The following CDK19 variants were observed in gnomAD, a reference collection of about 807,000 sequenced individuals.
The protein encoded by CDK19 is cyclin-dependent kinase 19.
CDK19 carries 20 observed loss-of-function variants against 68.3 expected under a neutral mutation model. That is an observed-to-expected ratio of 0.29 (90% CI 0.21 to 0.43). The LOEUF (loss-of-function observed/expected upper bound fraction) is 0.43. CDK19 is among the 20% of genes least tolerant of loss of function. The probability of loss-of-function intolerance (pLI) is 1.00; values close to 1 mark genes in which losing one functional copy is unlikely to be tolerated. For synonymous variants in CDK19, 221 were observed against 222.8 expected (o/e 0.99, Z 0.07); for missense variants, 339 against 623.5 (o/e 0.54, Z 4.86).
chr6:110,638,625 ATTATTT>A lies in CDK19; in HGVS notation c.514+18_514+23del, dbSNP rs1562146099. The A allele has an allele frequency of 5.7e-6, 7 of 1,224,452 alleles. No homozygotes were observed. The South Asian group carries it at 8.8e-5, about 15-fold the overall frequency. The allele number at this position is 1,224,452 out of a possible 1,614,324, so 75.8% of individuals were successfully genotyped here. A position where few individuals can be genotyped will look rare whatever the true frequency, so the allele number is the denominator to read the frequency against. The stretch of plus-strand genomic sequence containing the variant: ...GCAGTTAACTTCAGTTTTTAAATAA[ATTATTT>A]TAGGAATAATTACCTACCTATTTTG... On this transcript the variant is annotated intron_variant, in intron 5 of 12. Transcript: ENST00000368911.
At chr6:110,645,048 T>C (rs1780461517) in intron 4 of CDK19, among the ~76,000 whole-genome samples, 1 of 152,142 alleles carries the variant, frequency 6.6e-6, no homozygotes, top group South Asian at 2.1e-4. Context: ...TATTCATATG[T>C]CAAACAGACA....
chr6:110,736,237 A>T lies in CDK19; in HGVS notation c.204+9889T>A, dbSNP rs140835837. Among the ~76,000 whole-genome samples, 674 of 152,272 alleles carry T rather than the reference A, an allele frequency of 4.4e-3. 6 individuals are homozygous for T. The highest frequency in any genetic ancestry group is 0.014 in the African/African-American group (601 of 41,548). On this transcript the variant is annotated intron_variant, in intron 2 of 12. Transcript: ENST00000368911. ...ATGCCTGTAATGCCAGCTACTCGGG[A>T]GGCTGAGAGAGGAGAATCGCTTGAA...
Position 110,621,074 on chromosome 6 carries a change from G to A in CDK19, c.1377+30C>T, listed in dbSNP as rs774487269. 3.4e-5 allele frequency: 54 copies of A among 1,584,044 alleles called. No individual in the cohort carries two copies. Among genetic ancestry groups the A allele is most frequent in the Non-Finnish European group, 4.5e-5 (52 of 1,162,852 alleles). ...ATAAATCTTTTCCCCACTTCATAAAGCATATGAACATTAGACATTCAGGGA... is the reference window on the plus strand; with the variant it reads ...ATAAATCTTTTCCCCACTTCATAAAACATATGAACATTAGACATTCAGGGA... On this transcript the variant is annotated intron_variant, in intron 12 of 12. Transcript: ENST00000368911. This position sits in a 1 kb window ranked among gnomAD's most constrained non-coding sequence, Gnocchi z 5.4.
At chr6:110,646,376 C>G in intron 4 of CDK19, 1 of 1,470,806 alleles carries the variant, frequency 6.8e-7, no homozygotes, top group African/African-American at 1.4e-5. Context: ...GCGACAGCGC[C>G]AACGACTTCT....
At chr6:110,724,861 T>G (rs533485223) in intron 2 of CDK19, among the ~76,000 whole-genome samples, 1 of 152,048 alleles carries the variant, frequency 6.6e-6, no homozygotes, top group Admixed American at 6.6e-5. Context: ...TATAAACACC[T>G]AGGTGGAAAA....
intron 1 of CDK19, among the ~76,000 whole-genome samples, chr6:110,772,904 AAAAG>A (rs1375937134): frequency 1.3e-5 from 2 of 151,752 alleles, no homozygotes; most frequent in Non-Finnish European, 2.9e-5. Flanking sequence ...AAAAAAAAAA[AAAAG>A]AGAGACTCAT....
At chr6:110,686,776 GATTA>G (rs542754599) in intron 2 of CDK19, among the ~76,000 whole-genome samples, 8 of 152,306 alleles carry the variant, frequency 5.3e-5, no homozygotes, top group Admixed American at 4.6e-4. Flanking sequence ...ATTGACATTT[GATTA>G]ATTAAGCATA....
At chr6:110,629,756 A>C (rs1218757623) in intron 6 of CDK19, among the ~76,000 whole-genome samples, 1 of 152,206 alleles carries the variant, frequency 6.6e-6, no homozygotes, top group Non-Finnish European at 1.5e-5. Flanking sequence ...TGAAGCCCTA[A>C]GATAACTGAT....
chr6:110,790,043 CT>C (rs1293085474), intron 1 of CDK19, among the ~76,000 whole-genome samples: 1 of 152,118 alleles, frequency 6.6e-6, no homozygotes, highest in Non-Finnish European at 1.5e-5. Flanking sequence ...CAATATATAG[CT>C]ATTCATGTAC....
chr6:110,678,845 C>A (rs1466692686), intron 2 of CDK19, among the ~76,000 whole-genome samples: 3 of 152,194 alleles, frequency 2.0e-5, no homozygotes, highest in Admixed American at 2.0e-4. Context: ...TATAAGCATA[C>A]AAATTATGTG....
At chr6:110,732,928 G>GGGCA (rs1776872876) in intron 2 of CDK19, among the ~76,000 whole-genome samples, 1 of 151,982 alleles carries the variant, frequency 6.6e-6, no homozygotes, top group Admixed American at 6.6e-5. Context: ...TTAGCCAGGT[G>GGGCA]TGGTGGTGCA....
intron 3 of CDK19, among the ~76,000 whole-genome samples, chr6:110,669,386 A>G (rs1254276266): frequency 6.6e-6 from 1 of 152,210 alleles, no homozygotes; most frequent in Non-Finnish European, 1.5e-5. Context: ...CTGAGGCAGG[A>G]GGATCGCTTG....
intron 1 of CDK19, among the ~76,000 whole-genome samples, chr6:110,767,258 C>G (rs1228307665): frequency 6.6e-6 from 1 of 151,652 alleles, no homozygotes; most frequent in Non-Finnish European, 1.5e-5. Flanking sequence ...GGCTGGTTAA[C>G]AGGTACAAAA....
rs543888509 is a variant in CDK19, at chr6:110,689,256, A to C, written c.205-18715T>G. Among the ~76,000 whole-genome samples the C allele has an allele frequency of 2.4e-4, 37 of 152,238 alleles. 1 individual carries two copies. In the South Asian group the frequency reaches 7.7e-3, roughly 32 times the overall value. ...CCACAGAGGCCGCTGCTTTCCTTGC[A>C]TGCAGGGAATCAGAGCACAGACCTA... On this transcript the variant is annotated intron_variant, in intron 2 of 12. Transcript: ENST00000368911.
intron 2 of CDK19, among the ~76,000 whole-genome samples, chr6:110,719,972 G>GCTCCCCCCC (rs1554211507): frequency 5.9e-4 from 27 of 45,514 alleles, no homozygotes; most frequent in East Asian, 1.2e-3. Context: ...CTTGTGATCC[G>GCTCCCCCCC]CCCCCCCCCC....
At chr6:110,800,012 T>C (rs1233073395) in intron 1 of CDK19, among the ~76,000 whole-genome samples, 1 of 152,178 alleles carries the variant, frequency 6.6e-6, no homozygotes, top group African/African-American at 2.4e-5. Context: ...TCTCAACATA[T>C]TCATCTACTC....
At chr6:110,814,794 G>T (rs1217541927) in intron 1 of CDK19, 7 of 688,152 alleles carry the variant, frequency 1.0e-5, no homozygotes, top group Non-Finnish European at 1.8e-5. Flanking sequence ...CCTCGGACCG[G>T]GCTGCGCCGC....
In CDK19 at chr6:110,611,361, T is replaced by C. The variant is rs1280888778; in HGVS notation, c.*3174A>G. The C allele has an allele frequency of 6.6e-6, 1 of 152,124 alleles. No homozygotes were observed. Among genetic ancestry groups the C allele is most frequent in the Admixed American group, 6.5e-5 (1 of 15,276 alleles). 9.4% of individuals were successfully genotyped at this position (152,124 alleles called of 1,614,324 possible). On this transcript the variant is annotated 3_prime_UTR_variant, in exon 13 of 13. Transcript: ENST00000368911. Reference sequence around the variant, plus strand: ...GCCCCTCCTGTACCCTTGGGGGACATAACAGTATCTAATAAATTTCAAAGA... The same window carrying C: ...GCCCCTCCTGTACCCTTGGGGGACACAACAGTATCTAATAAATTTCAAAGA...
chr6:110,637,970 G>A (rs1189737476), intron 5 of CDK19, among the ~76,000 whole-genome samples: 8 of 152,162 alleles, frequency 5.3e-5, no homozygotes, highest in African/African-American at 1.2e-4. Context: ...GCAACAGAGC[G>A]AGACTCCGTC....
Sources: gnomAD v4.1 joint callset for allele counts (sites outside exome capture counted in the v4.1 genomes callset) on GRCh38, gnomAD v4.1.1 for gene constraint, Gnocchi (gnomAD v3.1) non-coding constraint, MANE v1.5 for transcripts, NCBI Gene and HGNC (gene_info 2026-07-23, HGNC 2026-07-21) for gene names.